Variants in ZNF704 observed in about 807,000 individuals in gnomAD.
The protein encoded by ZNF704 is glucocorticoid induced gene 1.
Under a neutral mutation model 44.7 loss-of-function variants are expected in ZNF704, and 10 were observed. That is an observed-to-expected ratio of 0.22 (90% confidence interval 0.14 to 0.38). The LOEUF (loss-of-function observed/expected upper bound fraction) is 0.38, where lower values mean the gene tolerates loss of function less well. Ranked by LOEUF, ZNF704 falls within the 10% of genes least tolerant of loss-of-function variation. ZNF704 has a pLI of 1.00. For missense variants in ZNF704, 390 were observed against 545.5 expected, an observed-to-expected ratio of 0.71 and a Z score of 2.84; for synonymous variants, 211 against 207.6, an observed-to-expected ratio of 1.02 and a Z score of -0.14.
At chr8:80,680,892 T>C (rs1818442490) in intron 4 of ZNF704, among the ~76,000 whole-genome samples, 1 of 152,190 alleles carries the variant, frequency 6.6e-6, no homozygotes, top group Non-Finnish European at 1.5e-5. Context: ...CCCACCTCCA[T>C]GTGCTGTTTA....
intron 2 of ZNF704, among the ~76,000 whole-genome samples, chr8:80,742,936 C>T (rs1361267048): frequency 6.6e-6 from 1 of 152,024 alleles, no homozygotes; most frequent in Non-Finnish European, 1.5e-5. Context: ...GTGACGCATC[C>T]ACCTTTAAAC....
chr8:80,702,626 G>A (rs1818829331), intron 2 of ZNF704, among the ~76,000 whole-genome samples: 1 of 152,136 alleles, frequency 6.6e-6, no homozygotes, highest in African/African-American at 2.4e-5. Context: ...GACAAATTGA[G>A]AGAAACCAGA....
chr8:80,661,849 TAGAA>T (rs1205190928), intron 6 of ZNF704, among the ~76,000 whole-genome samples: 1 of 152,098 alleles, frequency 6.6e-6, no homozygotes, highest in East Asian at 1.9e-4. Context: ...TACAGTTAGA[TAGAA>T]AGAATGAGTA....
At chr8:80,752,527 T>C (rs1227401738) in intron 2 of ZNF704, among the ~76,000 whole-genome samples, 1 of 146,088 alleles carries the variant, frequency 6.8e-6, no homozygotes, top group Non-Finnish European at 1.5e-5. Flanking sequence ...GCTTTGGGGG[T>C]AAACTTAAAA....
At chr8:80,815,961 C>T (rs1808170698) in intron 2 of ZNF704, among the ~76,000 whole-genome samples, 3 of 152,154 alleles carry the variant, frequency 2.0e-5, no homozygotes, top group Admixed American at 2.0e-4. Context: ...ATTTTCTGAC[C>T]TGGTTCCCCA....
At chr8:80,832,053 A>C (rs1808480642) in intron 1 of ZNF704, among the ~76,000 whole-genome samples, 1 of 152,244 alleles carries the variant, frequency 6.6e-6, no homozygotes, top group South Asian at 2.1e-4. Context: ...AATTTCTTGC[A>C]AGGGAACAAA....
chr8:80,786,239 G>A (rs528173069), intron 2 of ZNF704, among the ~76,000 whole-genome samples: 7 of 152,226 alleles, frequency 4.6e-5, no homozygotes, highest in African/African-American at 1.7e-4. Context: ...CTCCTCCCTG[G>A]GTAATAAAGC....
Position 80,630,256 on chromosome 8 carries a change from G to A in ZNF704, c.*11110C>T, listed in dbSNP as rs1817561932. On this transcript the variant is annotated 3_prime_UTR_variant, in exon 9 of 9. Transcript: ENST00000327835. ...AGCAAGTACTTACCTCTGAATGGTG[G>A]TAAAATTATATTTCAAAAGATCTCT... The A allele has an allele frequency of 6.6e-6, 1 of 152,196 alleles. No homozygotes were observed. The highest frequency in any genetic ancestry group is 6.5e-5 in the Admixed American group (1 of 15,278). The allele number at this position is 152,196 out of a possible 1,614,324, so 9.4% of individuals were successfully genotyped here.
rs530343619 is a variant in ZNF704 at position 80,767,086 on chromosome 8, C to T, written c.221+54288G>A. On this transcript the variant is annotated intron_variant, in intron 2 of 8. Transcript: ENST00000327835. ...CTACTTTCCACAATAAAAGTCCATG[C>T]CAGAATTTCCTAAAATTTGACCTTC... 6.2e-4 allele frequency among the ~76,000 whole-genome samples: 95 copies of T among 152,070 alleles called. 2 individuals are homozygous for T. In the South Asian group the frequency reaches 0.011, roughly 17 times the overall value.
intron 2 of ZNF704, among the ~76,000 whole-genome samples, chr8:80,728,981 G>A (rs1045899856): frequency 5.3e-5 from 8 of 152,224 alleles, no homozygotes; most frequent in East Asian, 3.9e-4. Flanking sequence ...TGCACGAACC[G>A]AAACGACCGT....
intron 1 of ZNF704, among the ~76,000 whole-genome samples, chr8:80,852,320 T>C (rs1808879003): frequency 1.3e-5 from 2 of 152,220 alleles, no homozygotes; most frequent in South Asian, 2.1e-4. Flanking sequence ...ATAAAAATAA[T>C]AGTACAGTAA....
At chr8:80,826,611 G>C (rs1444396358) in intron 1 of ZNF704, among the ~76,000 whole-genome samples, 3 of 152,056 alleles carry the variant, frequency 2.0e-5, no homozygotes, top group Non-Finnish European at 4.4e-5. Context: ...GCCGGGCAGA[G>C]ACACAACAAA....
intron 2 of ZNF704, among the ~76,000 whole-genome samples, chr8:80,818,131 T>C (rs935984007): frequency 1.3e-5 from 2 of 152,200 alleles, no homozygotes; most frequent in Admixed American, 6.5e-5. Flanking sequence ...GCTTTTATTA[T>C]ATAAACCTCA....
chr8:80,650,796 A>C (rs1027850118), intron 7 of ZNF704, among the ~76,000 whole-genome samples: 1 of 152,192 alleles, frequency 6.6e-6, no homozygotes, highest in African/African-American at 2.4e-5. Flanking sequence ...CCAATATTCA[A>C]ATTCAGGAAA....
intron 2 of ZNF704, among the ~76,000 whole-genome samples, chr8:80,710,584 T>A (rs1481501421): frequency 6.6e-6 from 1 of 152,162 alleles, no homozygotes; most frequent in Non-Finnish European, 1.5e-5. Context: ...TAGGTTTCGA[T>A]GAGGTCATGA....
chr8:80,659,565 T>G lies in ZNF704; in HGVS notation c.1032+20A>C. 1 of 1,612,328 alleles carries G rather than the reference T, an allele frequency of 6.2e-7. No homozygotes were observed. Among genetic ancestry groups the G allele is most frequent in the Non-Finnish European group, 8.5e-7 (1 of 1,178,472 alleles). On this transcript the variant is annotated intron_variant, in intron 7 of 8. Transcript: ENST00000327835. The stretch of plus-strand genomic sequence containing the variant: ...CATTGGCTTTGACCAGATTTTTGGC[T>G]TTTTCGTTTTTCTACTTACTGGGAT...
chr8:80,799,898 T>G (rs768915949), intron 2 of ZNF704, among the ~76,000 whole-genome samples: 3 of 151,554 alleles, frequency 2.0e-5, no homozygotes, highest in African/African-American at 7.3e-5. Context: ...TCTAACCCAA[T>G]GCAAAGAAGC....
At chr8:80,655,290 C>T (rs1281316844) in intron 7 of ZNF704, among the ~76,000 whole-genome samples, 2 of 151,018 alleles carry the variant, frequency 1.3e-5, no homozygotes, top group African/African-American at 4.9e-5. Flanking sequence ...ACATATGTAA[C>T]AAACCTGCAC....
At chr8:80,763,970 C>A (rs1434219029) in intron 2 of ZNF704, among the ~76,000 whole-genome samples, 1 of 152,212 alleles carries the variant, frequency 6.6e-6, no homozygotes, top group East Asian at 1.9e-4. Context: ...TCATCTCCAT[C>A]TGAGATCACC....
Sources: gnomAD v4.1 joint callset for allele counts (sites outside exome capture counted in the v4.1 genomes callset) on GRCh38, gnomAD v4.1.1 for gene constraint, MANE v1.5 for transcripts, NCBI Gene and HGNC (gene_info 2026-07-23, HGNC 2026-07-21) for gene names.